The following RNF212 variants were observed in gnomAD, a reference collection of about 807,000 sequenced individuals.
RNF212 encodes the protein ring finger protein 212.
Under a neutral mutation model 34.7 loss-of-function variants are expected in RNF212, and 33 were observed. The observed-to-expected ratio is 0.95, with a 90% confidence interval of 0.72 to 1.27. The LOEUF (loss-of-function observed/expected upper bound fraction) is 1.27, where lower values mean the gene tolerates loss of function less well. Among genes scored for constraint, RNF212 ranks in the 50% most tolerant of loss-of-function variants. The probability of loss-of-function intolerance (pLI) is 0.00; values close to 1 mark genes in which losing one functional copy is unlikely to be tolerated. For synonymous variants in RNF212, 140 were observed against 136.1 expected (o/e 1.03, Z -0.20); for missense variants, 377 against 362.2 (o/e 1.04, Z -0.33).
chr4:1,112,501 A>T (rs1725846743), intron 1 of RNF212, among the ~76,000 whole-genome samples: 1 of 151,994 alleles, frequency 6.6e-6, no homozygotes, highest in Non-Finnish European at 1.5e-5. Flanking sequence ...AGAAAGAAAA[A>T]CGCCTCCCTG....
At chr4:1,108,163 G>A (rs1292332639) in intron 2 of RNF212, among the ~76,000 whole-genome samples, 180 bp downstream of exon 2, 1 of 152,140 alleles carries the variant, frequency 6.6e-6, no homozygotes, top group Non-Finnish European at 1.5e-5. Flanking sequence ...AGCTAAGAAA[G>A]TTTTAAAAAT....
rs749848980 is a variant in RNF212, at chr4:1,113,487, C to T, written c.-23G>A. On this transcript the variant is annotated 5_prime_UTR_variant, in exon 1 of 10. Transcript: ENST00000433731. ...CATGCCAGGCGGGCGACCGCAGCGG[C>T]GAGGCCGGGCCCACGCGAAGCCCAC... The T allele has an allele frequency of 3.8e-6, 6 of 1,592,836 alleles. No individual in the cohort carries two copies. Among genetic ancestry groups the T allele is most frequent in the Non-Finnish European group, 5.1e-6 (6 of 1,167,504 alleles).
At chr4:1,097,522 A>G (rs1031347018) in intron 2 of RNF212, among the ~76,000 whole-genome samples, 4 of 151,746 alleles carry the variant, frequency 2.6e-5, no homozygotes, top group Non-Finnish European at 4.4e-5. Context: ...GGAGAATGGC[A>G]TGAACCCAGG....
At chr4:1,064,285 C>G (rs1225656275) in intron 3 of RNF212, among the ~76,000 whole-genome samples, 2 of 152,216 alleles carry the variant, frequency 1.3e-5, no homozygotes, top group Non-Finnish European at 2.9e-5. Flanking sequence ...TTACGTTCCA[C>G]TGGAATTCAG....
At chr4:1,060,584 G>A (rs1461428364) in intron 3 of RNF212, among the ~76,000 whole-genome samples, 1 of 152,164 alleles carries the variant, frequency 6.6e-6, no homozygotes, top group Non-Finnish European at 1.5e-5. Flanking sequence ...CCAGCGCAGC[G>A]GTCTCCGTTC....
At chr4:1,073,693 A>G in intron 8 of RNF212, 31 bp from the exon 9 acceptor site, 2 of 1,519,218 alleles carry the variant, frequency 1.3e-6, no homozygotes, top group Non-Finnish European at 1.8e-6. Context: ...CAATGGGTAA[A>G]ATTCCAATAT....
chr4:1,090,956 C>T (rs1242495064), intron 3 of RNF212, 118 bp from the exon 4 acceptor site: 23 of 661,584 alleles, frequency 3.5e-5, no homozygotes, highest in Admixed American at 5.3e-5. Context: ...GCTTGTCTTA[C>T]GTGTGTCCTG....
chr4:1,063,816 G>A (rs1421011373), intron 3 of RNF212, among the ~76,000 whole-genome samples: 3 of 151,796 alleles, frequency 2.0e-5, no homozygotes, highest in Admixed American at 6.6e-5. Flanking sequence ...CCAGGCTGCA[G>A]TGAGCCATGG....
At chr4:1,056,910 C>A in intron 4 of RNF212, 2 of 988,018 alleles carry the variant, frequency 2.0e-6, no homozygotes, top group Non-Finnish European at 2.4e-6. Flanking sequence ...TGGGAGCCCC[C>A]GAAGCTTGGA....
chr4:1,064,314 A>G (rs962020089), intron 3 of RNF212, among the ~76,000 whole-genome samples: 1 of 152,226 alleles, frequency 6.6e-6, no homozygotes, highest in Non-Finnish European at 1.5e-5. Context: ...CACCTCAGTG[A>G]GTGTTCACTG....
intron 3 of RNF212, chr4:1,093,976 T>C (rs1422677374): frequency 1.3e-6 from 2 of 1,536,016 alleles, no homozygotes; most frequent in East Asian, 4.9e-5. Context: ...TGGCTGGGCA[T>C]AACTTGAGAC....
chr4:1,109,840 C>T (rs1428972854), intron 1 of RNF212, among the ~76,000 whole-genome samples: 6 of 152,188 alleles, frequency 3.9e-5, no homozygotes, highest in African/African-American at 1.4e-4. Context: ...TATCCATACT[C>T]GCCTCAGTGT....
downstream of RNF212, among the ~76,000 whole-genome samples, chr4:1,069,146 G>T (rs936745648): frequency 6.6e-5 from 10 of 152,060 alleles, no homozygotes; most frequent in African/African-American, 1.9e-4. Flanking sequence ...GGGAGGCAGA[G>T]GTTGCAGTCA....
chr4:1,111,684 G>A (rs1019490574), intron 1 of RNF212, among the ~76,000 whole-genome samples: 8 of 152,094 alleles, frequency 5.3e-5, no homozygotes, highest in African/African-American at 7.2e-5. Flanking sequence ...CTCGCTGCCC[G>A]AGACACTTTT....
chr4:1,063,759 A>C (rs1223844037), intron 3 of RNF212, among the ~76,000 whole-genome samples: 1 of 151,934 alleles, frequency 6.6e-6, no homozygotes, highest in Non-Finnish European at 1.5e-5. Context: ...CTACAGTCCC[A>C]GATACTCAGG....
At chr4:1,112,080 T>G (rs1302259798) in intron 1 of RNF212, among the ~76,000 whole-genome samples, 1 of 152,184 alleles carries the variant, frequency 6.6e-6, no homozygotes, top group Non-Finnish European at 1.5e-5. Flanking sequence ...TGGCTGCACA[T>G]GCCTGTAGCC....
intron 2 of RNF212, 97 bp from the exon 3 acceptor site, chr4:1,096,936 G>T: frequency 1.1e-6 from 1 of 909,470 alleles, no homozygotes; most frequent in African/African-American, 1.6e-5. Flanking sequence ...ATTAGCTATA[G>T]ATGACTCAAG....
intron 8 of RNF212, among the ~76,000 whole-genome samples, chr4:1,074,236 G>T (rs1454941878): frequency 6.6e-6 from 1 of 152,168 alleles, no homozygotes; most frequent in Non-Finnish European, 1.5e-5. Flanking sequence ...TCTGCTCTGA[G>T]CCCCTCCTGC....
At chr4:1,075,525 T>C (rs1282928968) in intron 8 of RNF212, among the ~76,000 whole-genome samples, 2 of 152,144 alleles carry the variant, frequency 1.3e-5, no homozygotes, top group South Asian at 2.1e-4. Flanking sequence ...TCACCCACCA[T>C]GGCAAAGACA....
Sources: allele counts gnomAD v4.1 joint callset (sites outside exome capture counted in the v4.1 genomes callset), GRCh38; gene constraint gnomAD v4.1.1; transcripts MANE v1.5; gene names NCBI Gene and HGNC (gene_info 2026-07-23, HGNC 2026-07-21).